BECN1: variants seen among roughly 807,000 people sequenced by gnomAD.
BECN1 encodes the protein beclin 1.
BECN1 carries 15 observed loss-of-function variants against 60.1 expected under a neutral mutation model. The ratio of observed to expected loss-of-function variants is 0.25; its 90% CI spans 0.17 to 0.38. The LOEUF (loss-of-function observed/expected upper bound fraction) is 0.38. BECN1 is among the 10% of genes least tolerant of loss of function. The pLI is 1.00. For synonymous variants in BECN1, 179 were observed against 201.8 expected, an observed-to-expected ratio of 0.89 and a Z score of 0.96; for missense variants, 424 against 548.2, an observed-to-expected ratio of 0.77 and a Z score of 2.26.
rs200272037 is a variant in BECN1 at position 42,817,310 on chromosome 17, C to A, written c.683+911G>T. Among the ~76,000 whole-genome samples, 93 of 148,034 alleles carry A rather than the reference C, an allele frequency of 6.3e-4. 1 individual carries two copies. The Middle Eastern group carries it at 0.01, about 17-fold the overall frequency. On this transcript the variant is annotated intron_variant, in intron 7 of 11. Coordinates refer to ENST00000590099, the MANE Select transcript of BECN1 (RefSeq NM_001313998.2). ...ACTCTGTTTCTAAAAAAAAAAAAAA[C>A]AAAAAAACAGTGGCTTCTTCCATGA...
rs547588663 is a variant in BECN1, at chr17:42,815,179, C to A, written c.831-506G>T. 2.7e-5 allele frequency among the ~76,000 whole-genome samples: 4 copies of A among 150,228 alleles called. No homozygotes were observed. In the East Asian group the frequency reaches 7.7e-4, roughly 29 times the overall value. On this transcript the variant is annotated intron_variant, in intron 8 of 11. Transcript: ENST00000590099. ...AGTCCAAACCTCTTAACGAGGCCTA[C>A]GAGATCCTTCAGGAACTGGTAACTC...
At chr17:42,815,728 T>C (rs1056278848) in intron 8 of BECN1, 180 bp downstream of exon 8, 1 of 772,364 alleles carries the variant, frequency 1.3e-6, no homozygotes, top group African/African-American at 1.8e-5. Context: ...AGGGCGGATG[T>C]CACCAAGCTC....
rs2055140659 is a variant in BECN1 at position 42,816,122 on chromosome 17, T to C, written c.684-68A>G. On this transcript the variant is annotated intron_variant, in intron 7 of 11. Transcript: ENST00000590099. ...GGCTAAAGTTTCTCTCTCACCACAC[T>C]ATGAACGATTCTTTAGTGATCATCG... The C allele has an allele frequency of 3.7e-5, 54 of 1,447,276 alleles. No homozygotes were observed. The South Asian group carries it at 4.2e-4, about 11-fold the overall frequency. The allele number at this position is 1,447,276 out of a possible 1,614,324, so 89.7% of individuals were successfully genotyped here. A position where few individuals can be genotyped will look rare whatever the true frequency, so the allele number is the denominator to read the frequency against.
At position 42,813,932 on chromosome 17, in the gene BECN1, G is replaced by T; in HGVS notation, c.1041+16C>A. The T allele has an allele frequency of 6.4e-7, 1 of 1,555,082 alleles. No homozygotes were observed. The highest frequency in any genetic ancestry group is 8.8e-7 in the Non-Finnish European group (1 of 1,139,680). On this transcript the variant is annotated intron_variant, in intron 10 of 11. Coordinates refer to ENST00000590099, the MANE Select transcript of BECN1 (RefSeq NM_001313998.2). ...AGAACTCTGTATTCCAGTGAAAATG[G>T]AGCTTCACAGAGTACCTTAGATTTG...
chr17:42,820,246 A>C (rs1177337954), intron 3 of BECN1: 2 of 153,538 alleles, frequency 1.3e-5, no homozygotes, highest in Non-Finnish European at 2.9e-5. Flanking sequence ...AAGAAATCTC[A>C]GGTGTGTATT....
rs1331331519 is a variant in BECN1, at chr17:42,819,576, C to T, written c.232G>A (p.Val78Ile). The T allele has an allele frequency of 6.2e-7, 1 of 1,613,764 alleles. No individual in the cohort carries two copies. Among genetic ancestry groups the T allele is most frequent in the Non-Finnish European group, 8.5e-7 (1 of 1,179,956 alleles). ...GCTGGGGGGATGAATCTGCGAGAGA[C>T]ACCATCCTGGCGAGGAGTTTCAATA... ...PFIETPRQDG[V>I]SRRFIPPARM... Residue 78 changes from valine (V) to isoleucine (I), a missense_variant, in exon 4 of 12, where the codon GTC (valine) becomes ATC (isoleucine). Around this residue, in one of 3 missense-constraint regions of BECN1, gnomAD observed 96 missense variants for 125.6 expected, o/e 0.76. Coordinates refer to ENST00000590099, the MANE Select transcript of BECN1 (RefSeq NM_001313998.2).
intron 10 of BECN1, among the ~76,000 whole-genome samples, chr17:42,813,393 G>A (rs2055076253): frequency 1.3e-5 from 2 of 151,810 alleles, no homozygotes; most frequent in African/African-American, 2.4e-5. Flanking sequence ...AAAATTAGCT[G>A]GGCCTGGTGG....
chr17:42,818,041 A>G (rs115316126), intron 7 of BECN1, among the ~76,000 whole-genome samples, 180 bp downstream of exon 7: 4,252 of 152,278 alleles, frequency 0.028, 209 homozygotes, highest in African/African-American at 0.095. Flanking sequence ...GACTCTTCAT[A>G]GGTAACTCTC....
chr17:42,819,349 C>T, intron 4 of BECN1, 199 bp downstream of exon 4: 1 of 578,110 alleles, frequency 1.7e-6, no homozygotes, highest in South Asian at 2.6e-5. Context: ...CTATCCTTTC[C>T]CACTCTGTGA....
rs778716325 is a variant in BECN1, at chr17:42,820,846, G to A, written c.131-5C>T. On this transcript the variant is annotated splice_polypyrimidine_tract_variant and splice_region_variant and intron_variant, in intron 2 of 11. Transcript: ENST00000590099. Reference sequence around the variant, plus strand: ...GGGCTGTGGTAAGTAATGGAGCTAAGGGCAAGGAAAATATTGGGTCAGAAA... The same window carrying A: ...GGGCTGTGGTAAGTAATGGAGCTAAAGGCAAGGAAAATATTGGGTCAGAAA... The A allele has an allele frequency of 6.3e-7, 1 of 1,593,460 alleles. No homozygotes were observed. The highest frequency in any genetic ancestry group is 1.1e-5 in the South Asian group (1 of 87,844).
At chr17:42,819,487 G>C in intron 4 of BECN1, 61 bp downstream of exon 4, 1 of 1,571,600 alleles carries the variant, frequency 6.4e-7, no homozygotes, top group Non-Finnish European at 8.7e-7. Flanking sequence ...CTCGATTCCT[G>C]GATTTAATTA....
At chr17:42,822,488 T>C (rs1163538012) in intron 2 of BECN1, among the ~76,000 whole-genome samples, 1 of 152,226 alleles carries the variant, frequency 6.6e-6, no homozygotes, top group Non-Finnish European at 1.5e-5. Flanking sequence ...CATAAGCTTA[T>C]TTAAGCTGCC....
intron 2 of BECN1, among the ~76,000 whole-genome samples, chr17:42,821,961 C>T (rs1230628722): frequency 6.6e-6 from 1 of 152,220 alleles, no homozygotes; most frequent in African/African-American, 2.4e-5. Flanking sequence ...AGTCCCAGCA[C>T]TTTGGGAGGC....
rs184474102 is a variant in BECN1 at position 42,816,115 on chromosome 17, A to G, written c.684-61T>C. The G allele has an allele frequency of 2.2e-5, 32 of 1,481,998 alleles. 1 individual carries two copies. The highest frequency in any genetic ancestry group is 1.1e-5 in the Non-Finnish European group (12 of 1,105,880). 91.8% of individuals were successfully genotyped at this position (1,481,998 alleles called of 1,614,324 possible). ...GCTTGGGGGCTAAAGTTTCTCTCTCACCACACTATGAACGATTCTTTAGTG... is the reference window on the plus strand; with the variant it reads ...GCTTGGGGGCTAAAGTTTCTCTCTCGCCACACTATGAACGATTCTTTAGTG... On this transcript the variant is annotated intron_variant, in intron 7 of 11. Coordinates refer to ENST00000590099, the MANE Select transcript of BECN1 (RefSeq NM_001313998.2).
At position 42,810,636 on chromosome 17, in the gene BECN1, A is replaced by G; in HGVS notation, c.*124T>C. On this transcript the variant is annotated 3_prime_UTR_variant, in exon 12 of 12. Transcript: ENST00000590099. ...TTTTAAAATAAAGTGGCTTTTGTGGATTTTTTCTTTTTTGGTATTGTAAAC... is the reference window on the plus strand; with the variant it reads ...TTTTAAAATAAAGTGGCTTTTGTGGGTTTTTTCTTTTTTGGTATTGTAAAC... The G allele has an allele frequency of 2.8e-6, 3 of 1,074,736 alleles. No individual in the cohort carries two copies. Among genetic ancestry groups the G allele is most frequent in the Middle Eastern group, 3.3e-4 (1 of 3,070 alleles). The allele number at this position is 1,074,736 out of a possible 1,614,324, so 66.6% of individuals were successfully genotyped here.
chr17:42,820,651 C>T (rs9890617), intron 3 of BECN1, 123 bp downstream of exon 3: 33,260 of 920,932 alleles, frequency 0.036, 4,239 homozygotes, highest in African/African-American at 0.35. Context: ...CCCAAAAGTC[C>T]GGGAGCTCTA....
At chr17:42,811,230 G>A (rs1463109514) in intron 11 of BECN1, 13 of 317,606 alleles carry the variant, frequency 4.1e-5, no homozygotes, top group East Asian at 1.6e-4. Flanking sequence ...TGAACTTGGC[G>A]GGGGAGAAAG....
intron 8 of BECN1, 160 bp from the exon 9 acceptor site, chr17:42,814,833 T>TC (rs1255431916): frequency 1.1e-6 from 1 of 892,644 alleles, no homozygotes; most frequent in African/African-American, 1.7e-5. Context: ...TGAGTCATCA[T>TC]CTTTTTCCCT....
At chr17:42,814,707 C>T in intron 8 of BECN1, 34 bp from the exon 9 acceptor site, 1 of 1,612,214 alleles carries the variant, frequency 6.2e-7, no homozygotes, top group Non-Finnish European at 8.5e-7. Flanking sequence ...GGGGGAAATA[C>T]AGGGATTACT....
Sources: gnomAD v4.1 joint callset for allele counts (sites outside exome capture counted in the v4.1 genomes callset) on GRCh38, gnomAD v4.1.1 for gene constraint, gnomAD v4.1.1 regional missense constraint, MANE v1.5 for transcripts, NCBI Gene and HGNC (gene_info 2026-07-23, HGNC 2026-07-21) for gene names.